TRAPPC8: variants seen among roughly 807,000 people sequenced by gnomAD.
The protein encoded by TRAPPC8 is trafficking protein particle complex subunit 8.
TRAPPC8 carries 54 observed loss-of-function variants against 174.3 expected under a neutral mutation model. The observed-to-expected ratio is 0.31, with a 90% CI of 0.25 to 0.39. The LOEUF (loss-of-function observed/expected upper bound fraction) is 0.39, where lower values mean the gene tolerates loss of function less well. Ranked by LOEUF, TRAPPC8 falls within the 10% of genes least tolerant of loss-of-function variation. The pLI is 1.00. For synonymous variants in TRAPPC8, 630 were observed against 579.9 expected (o/e 1.09, Z -1.24); for missense variants, 1,531 against 1,699.1 (o/e 0.90, Z 1.74).
At position 31,857,605 on chromosome 18, in the gene TRAPPC8, T is replaced by C. The variant is rs1283202120; in HGVS notation, c.3123A>G (p.Glu1041=). 2 of 1,613,076 alleles carry C rather than the reference T, an allele frequency of 1.2e-6. No homozygotes were observed. Among genetic ancestry groups the C allele is most frequent in the Non-Finnish European group, 1.7e-6 (2 of 1,179,662 alleles). ...QLPMWLRGPD[E]EGVHEINFLF... ...AAAAGTTAATTTCATGGACACCTTC[T>C]TCATCAGGCCCACGTAACCACATTG... The change falls in exon 20 of 29, where the codon GAA becomes GAG. Residue 1041 remains glutamate (E), a synonymous_variant. Transcript: ENST00000283351.
At chr18:31,867,546 T>A in intron 16 of TRAPPC8, 70 bp from the exon 17 acceptor site, 1 of 991,430 alleles carries the variant, frequency 1.0e-6, no homozygotes, top group Non-Finnish European at 1.5e-6. Context: ...CTCCTATATA[T>A]CAATACTTCA....
intron 26 of TRAPPC8, among the ~76,000 whole-genome samples, chr18:31,844,006 T>C (rs2033249459): frequency 6.6e-6 from 1 of 152,168 alleles, no homozygotes; most frequent in Non-Finnish European, 1.5e-5. Context: ...ACAAATTCAA[T>C]ATGCTCTCAA....
chr18:31,893,380 G>GGTGTGTGT (rs10660521), intron 11 of TRAPPC8, among the ~76,000 whole-genome samples: 22 of 149,736 alleles, frequency 1.5e-4, no homozygotes, highest in African/African-American at 3.2e-4. Flanking sequence ...TTTGCTTCTA[G>GGTGTGTGT]GTGTGTGTGT....
rs1341972764 is a variant in TRAPPC8 at position 31,873,508 on chromosome 18, A to G, written c.1984T>C (p.Leu662=). ...ATATACGGTAAAGGAAGCTGTGGCA[A>G]AGGACCATCTGGTGACAGCTGACTT... ...NVSQLSPDGP[L]PQLPLPYINS... is the part of the protein sequence containing the mutation. Residue 662 remains leucine, a synonymous_variant, in exon 14 of 29, where the codon TTG becomes CTG. Coordinates refer to ENST00000283351, the MANE Select transcript of TRAPPC8 (RefSeq NM_014939.5). 1 of 1,613,696 alleles carries G rather than the reference A, an allele frequency of 6.2e-7. No homozygotes were observed. The highest frequency in any genetic ancestry group is 1.3e-5 in the African/African-American group (1 of 74,938).
chr18:31,911,981 G>A (rs2036932961), intron 5 of TRAPPC8, among the ~76,000 whole-genome samples: 1 of 151,544 alleles, frequency 6.6e-6, no homozygotes, highest in Non-Finnish European at 1.5e-5. Context: ...GCATACTATT[G>A]TACCTTAGAA....
chr18:31,839,462 GA>G lies in TRAPPC8; in HGVS notation c.3838-6del. The G allele has an allele frequency of 6.6e-7, 1 of 1,523,710 alleles. No individual in the cohort carries two copies. The highest frequency in any genetic ancestry group is 2.4e-5 in the East Asian group (1 of 41,504). The allele number at this position is 1,523,710 out of a possible 1,614,324, so 94.4% of individuals were successfully genotyped here. A position where few individuals can be genotyped will look rare whatever the true frequency, so the allele number is the denominator to read the frequency against. ...TAGTTCCATTTCTGGTGGCTCCTGA[GA>G]AAAGAAAGAAAAAACATATGACAAT... On this transcript the variant is annotated splice_region_variant and splice_polypyrimidine_tract_variant and intron_variant, in intron 26 of 28. Coordinates refer to ENST00000283351, the MANE Select transcript of TRAPPC8 (RefSeq NM_014939.5).
At chr18:31,887,646 C>CAAA (rs34562657) in intron 12 of TRAPPC8, among the ~76,000 whole-genome samples, 47 of 98,334 alleles carry the variant, frequency 4.8e-4, no homozygotes, top group African/African-American at 1.3e-3. Context: ...AACTCCATCT[C>CAAA]AAAAAAAAAA....
At chr18:31,907,373 C>T in intron 9 of TRAPPC8, 87 bp downstream of exon 9, 1 of 1,311,858 alleles carries the variant, frequency 7.6e-7, no homozygotes, top group South Asian at 1.7e-5. Context: ...CAACTTTATC[C>T]CTAAGGATTC....
intron 27 of TRAPPC8, among the ~76,000 whole-genome samples, chr18:31,837,549 T>G (rs1053671194): frequency 6.6e-6 from 1 of 151,940 alleles, no homozygotes; most frequent in Non-Finnish European, 1.5e-5. Flanking sequence ...CAAATTTGGC[T>G]GACCTGGTGG....
chr18:31,850,340 A>AGAAT (rs2033646134), intron 24 of TRAPPC8, among the ~76,000 whole-genome samples: 1 of 152,216 alleles, frequency 6.6e-6, no homozygotes, highest in Admixed American at 6.5e-5. Context: ...GTATCTAGGG[A>AGAAT]GAATGAATGG....
At chr18:31,858,253 T>A (rs5823824) in intron 19 of TRAPPC8, among the ~76,000 whole-genome samples, 1 of 22,852 alleles carries the variant, frequency 4.4e-5, no homozygotes, top group East Asian at 1.0e-3. Flanking sequence ...CATGTCAAAA[T>A]TTCACAACTT....
At chr18:31,867,038 AATTCT>A (rs2034620684) in intron 17 of TRAPPC8, 63 bp from the exon 18 acceptor site, 1 of 1,539,002 alleles carries the variant, frequency 6.5e-7, no homozygotes, top group Non-Finnish European at 8.8e-7. Context: ...CACAATACCT[AATTCT>A]ATAATGTTGC....
intron 16 of TRAPPC8, among the ~76,000 whole-genome samples, chr18:31,868,725 C>T (rs139658393): frequency 1.0e-3 from 158 of 151,860 alleles, no homozygotes; most frequent in African/African-American, 3.7e-3. Context: ...TTTTTTGAGA[C>T]AAGATCTTGC....
intron 1 of TRAPPC8, among the ~76,000 whole-genome samples, chr18:31,942,080 G>T (rs1203660914): frequency 2.6e-5 from 4 of 152,098 alleles, no homozygotes; most frequent in African/African-American, 9.7e-5. Context: ...GCAAAATACC[G>T]TATAGCTAAG....
At chr18:31,836,656 A>G (rs2032740654) in intron 27 of TRAPPC8, among the ~76,000 whole-genome samples, 1 of 152,022 alleles carries the variant, frequency 6.6e-6, no homozygotes, top group Admixed American at 6.6e-5. Flanking sequence ...GTTGCATATT[A>G]GGATCACCTG....
In TRAPPC8 at chr18:31,909,634, CAA is replaced by C. The variant is rs756708001; in HGVS notation, c.865+31_865+32del. The C allele has an allele frequency of 5.7e-6, 9 of 1,578,074 alleles. No homozygotes were observed. The South Asian group carries it at 1.1e-4, about 19-fold the overall frequency. ...TCTGACAACAGTGCATATTTTCAATCAAAAGAGAAACTTAGAGAAAATATATC... is the reference window on the plus strand; with the variant it reads ...TCTGACAACAGTGCATATTTTCAATCAAGAGAAACTTAGAGAAAATATATC... On this transcript the variant is annotated intron_variant, in intron 6 of 28. Coordinates refer to ENST00000283351, the MANE Select transcript of TRAPPC8 (RefSeq NM_014939.5).
intron 5 of TRAPPC8, 53 bp from the exon 6 acceptor site, chr18:31,909,813 T>G: frequency 8.2e-7 from 1 of 1,223,396 alleles, no homozygotes; most frequent in Non-Finnish European, 1.1e-6. Flanking sequence ...TCATACTTAA[T>G]ATACTATCAA....
At chr18:31,861,964 G>GA (rs1182503416) in intron 19 of TRAPPC8, among the ~76,000 whole-genome samples, 2 of 132,642 alleles carry the variant, frequency 1.5e-5, no homozygotes, top group African/African-American at 5.6e-5. Context: ...GGGGAGGAGA[G>GA]AAAAAAATCA....
intron 19 of TRAPPC8, among the ~76,000 whole-genome samples, chr18:31,863,958 TACTA>T (rs2034457240): frequency 7.1e-6 from 1 of 140,534 alleles, no homozygotes; most frequent in Admixed American, 6.8e-5. Context: ...TGTTCTATTA[TACTA>T]AAGTATAATA....
Sources: gnomAD v4.1 joint callset for allele counts (sites outside exome capture counted in the v4.1 genomes callset) on GRCh38, gnomAD v4.1.1 for gene constraint, MANE v1.5 for transcripts, NCBI Gene and HGNC (gene_info 2026-07-23, HGNC 2026-07-21) for gene names.